Variants in NLGN4X observed in about 807,000 individuals in gnomAD.
The protein encoded by NLGN4X is neuroligin-4, X-linked.
A neutral mutation model predicts 40.3 loss-of-function variants in NLGN4X; 3 were observed. The ratio of observed to expected loss-of-function variants is 0.07; its 90% confidence interval spans 0.03 to 0.19. The LOEUF (loss-of-function observed/expected upper bound fraction) is 0.19. Ranked by LOEUF, NLGN4X falls within the 10% of genes least tolerant of loss-of-function variation. The probability of loss-of-function intolerance (pLI) is 1.00; values close to 1 mark genes in which losing one functional copy is unlikely to be tolerated. For synonymous variants in NLGN4X, 270 were observed against 306.8 expected (o/e 0.88, Z 1.25); for missense variants, 382 against 708.3 (o/e 0.54, Z 5.23).
At chrX:6,142,357 A>G (rs2039965875) in intron 2 of NLGN4X, among the ~76,000 whole-genome samples, 1 of 112,453 alleles carries the variant, frequency 8.9e-6, no homozygotes, top group African/African-American at 3.2e-5. Flanking sequence ...TGGGGGAGAG[A>G]CACATGCTAT....
intron 2 of NLGN4X, among the ~76,000 whole-genome samples, chrX:6,030,394 A>ATGTGTGTGTGTGTG (rs35006258): frequency 1.0e-3 from 102 of 100,130 alleles, no homozygotes; most frequent in African/African-American, 3.7e-3. Context: ...GGATACAGAT[A>ATGTGTGTGTGTGTG]TGTGTGTGTG....
intron 3 of NLGN4X, among the ~76,000 whole-genome samples, chrX:5,943,765 C>G (rs1040132547): frequency 8.9e-6 from 1 of 112,520 alleles, no homozygotes; most frequent in African/African-American, 3.2e-5. Context: ...AGGATGAATA[C>G]CAGCCATATG....
chrX:5,898,511 A>G (rs1042549314), intron 5 of NLGN4X, among the ~76,000 whole-genome samples: 1 of 111,044 alleles, frequency 9.0e-6, no homozygotes, highest in African/African-American at 3.3e-5. Flanking sequence ...AGATGTCTAT[A>G]TAGAAGCATC....
chrX:6,115,554 G>C lies in NLGN4X; in HGVS notation c.472+35441C>G, dbSNP rs568867078. On this transcript the variant is annotated intron_variant, in intron 2 of 5. Transcript: ENST00000381095. ...AGGGACGAGAAGGTAAAGTTGGCAT[G>C]GTAGAACCAAGGAAGCCAGAACTGA... Among the ~76,000 whole-genome samples, 11 of 111,713 alleles carry C rather than the reference G, an allele frequency of 9.8e-5. No homozygotes were observed. The South Asian group carries it at 4.2e-3, about 42-fold the overall frequency.
intron 3 of NLGN4X, among the ~76,000 whole-genome samples, chrX:6,026,889 C>T (rs763208128): frequency 1.8e-5 from 2 of 108,772 alleles, no homozygotes; most frequent in Non-Finnish European, 3.8e-5. Context: ...GCAAGATGTG[C>T]AATTGATTCA....
intron 2 of NLGN4X, among the ~76,000 whole-genome samples, chrX:6,069,168 GTCCCAGCTACT>G (rs1255036432): frequency 7.3e-5 from 8 of 109,663 alleles, no homozygotes; most frequent in Non-Finnish European, 1.5e-4. Flanking sequence ...GGTGCCTGTA[GTCCCAGCTACT>G]CAGCTGGCTG....
chrX:6,034,114 T>C (rs1489944590), intron 2 of NLGN4X, among the ~76,000 whole-genome samples: 1 of 112,468 alleles, frequency 8.9e-6, no homozygotes, highest in Non-Finnish European at 1.9e-5. Flanking sequence ...GTCCATTTCA[T>C]GGGGGCTTAA....
intron 3 of NLGN4X, among the ~76,000 whole-genome samples, chrX:5,994,519 G>A (rs2035767073): frequency 8.9e-6 from 1 of 111,908 alleles, no homozygotes; most frequent in Non-Finnish European, 1.9e-5. Context: ...GGGCAAAATG[G>A]TGAAAATTTT....
chrX:5,998,320 G>C (rs1304998992), intron 3 of NLGN4X, among the ~76,000 whole-genome samples: 2 of 105,713 alleles, frequency 1.9e-5, no homozygotes, highest in African/African-American at 7.0e-5. Context: ...TGAGGCAGGA[G>C]AATCACTTGA....
chrX:6,029,381 C>T lies in NLGN4X; in HGVS notation c.524G>A (p.Gly175Glu). 8.3e-7 allele frequency: 1 copy of T among 1,210,511 alleles called. No homozygotes were observed. The highest frequency in any genetic ancestry group is 1.1e-6 in the Non-Finnish European group (1 of 894,694). The change falls in exon 3 of 6, where the codon GGA (glycine) becomes GAA (glutamate). Residue 175 changes from glycine to glutamate, a missense_variant. Around this residue, in one of 5 missense-constraint regions of NLGN4X, gnomAD observed 115 missense variants for 149.6 expected, o/e 0.77. Transcript: ENST00000381095. ...GTTGCCGGTGCCCTCCATGTAAGAT[C>T]CCCCATGGATATAGACCATGACGGG... ...KKPVMVYIHG[G>E]SYMEGTGNMI...
intron 5 of NLGN4X, among the ~76,000 whole-genome samples, chrX:5,899,701 T>A (rs2031735068): frequency 9.3e-6 from 1 of 107,761 alleles, no homozygotes; most frequent in South Asian, 4.2e-4. Flanking sequence ...TTTTTTTTTT[T>A]TTTTATTTTT....
chrX:6,169,825 A>G (rs1373930992), intron 1 of NLGN4X, among the ~76,000 whole-genome samples: 1 of 109,382 alleles, frequency 9.1e-6, no homozygotes, highest in African/African-American at 3.4e-5. Context: ...TAAGAAAGGG[A>G]AAAAAAAATG....
Position 5,890,991 on chromosome X carries a change from T to G in NLGN4X, c.*1826A>C, listed in dbSNP as rs1343734788. On this transcript the variant is annotated 3_prime_UTR_variant, in exon 6 of 6. Transcript: ENST00000381095. ...TTTAGCGGAGAGATTTAAGACTGGA[T>G]TTCTAGAATAACCCACAATGGAGCC... The G allele has an allele frequency of 1.3e-5, 4 of 305,313 alleles. No individual in the cohort carries two copies. Among genetic ancestry groups the G allele is most frequent in the Non-Finnish European group, 1.2e-5 (2 of 161,828 alleles). 25.2% of individuals were successfully genotyped at this position (305,313 alleles called of 1,213,427 possible). A position where few individuals can be genotyped will look rare whatever the true frequency, so the allele number is the denominator to read the frequency against.
At chrX:6,090,670 CAT>C (rs770164881) in intron 2 of NLGN4X, among the ~76,000 whole-genome samples, 1 of 111,879 alleles carries the variant, frequency 8.9e-6, no homozygotes, top group African/African-American at 3.2e-5. Context: ...GAGCAAAAAA[CAT>C]ATATATATAA....
At chrX:6,048,772 C>T (rs1317020357) in intron 2 of NLGN4X, among the ~76,000 whole-genome samples, 4 of 106,081 alleles carry the variant, frequency 3.8e-5, no homozygotes, top group African/African-American at 7.0e-5. Flanking sequence ...CATGTTCTCA[C>T]GTATAAGTGG....
chrX:6,103,843 C>G (rs2038975769), intron 2 of NLGN4X, among the ~76,000 whole-genome samples: 1 of 112,366 alleles, frequency 8.9e-6, no homozygotes, highest in African/African-American at 3.2e-5. Flanking sequence ...AGGAAATACA[C>G]AGTATCTCTA....
At chrX:5,926,823 C>CACAG (rs1555921514) in intron 3 of NLGN4X, among the ~76,000 whole-genome samples, 1 of 109,252 alleles carries the variant, frequency 9.2e-6, no homozygotes, top group Admixed American at 9.9e-5. Flanking sequence ...CACACACACA[C>CACAG]ACGTTCTTAT....
chrX:6,205,149 A>G (rs575131528), intron 1 of NLGN4X, among the ~76,000 whole-genome samples: 37 of 112,555 alleles, frequency 3.3e-4, no homozygotes, highest in African/African-American at 1.1e-3. Context: ...ATCATTGGGA[A>G]GACCTTTCAT....
intron 3 of NLGN4X, among the ~76,000 whole-genome samples, chrX:5,932,848 C>T (rs890950633): frequency 1.8e-5 from 2 of 111,166 alleles, no homozygotes; most frequent in Non-Finnish European, 3.8e-5. Context: ...TGAAAATACA[C>T]TTGAAACAAA....
Sources: allele counts gnomAD v4.1 joint callset (sites outside exome capture counted in the v4.1 genomes callset), GRCh38; gene constraint gnomAD v4.1.1; regional missense constraint gnomAD v4.1.1; transcripts MANE v1.5; gene names NCBI Gene and HGNC (gene_info 2026-07-23, HGNC 2026-07-21).